ZIM2: variants seen among roughly 807,000 people sequenced by gnomAD.
ZIM2 encodes zinc finger protein 656.
A neutral mutation model predicts 38.6 loss-of-function variants in ZIM2; 14 were observed. That is an observed-to-expected ratio of 0.36 (90% CI 0.24 to 0.57). The LOEUF is 0.57. Among genes scored for constraint, ZIM2 ranks in the 20% least tolerant of loss-of-function variants. The pLI is 0.81. For synonymous variants in ZIM2, 247 were observed against 245.8 expected, an observed-to-expected ratio of 1.00 and a Z score of -0.04; for missense variants, 680 against 695.1, an observed-to-expected ratio of 0.98 and a Z score of 0.24.
rs573900748 is a variant in ZIM2, at chr19:56,783,520, C to T, written c.571-1399G>A. 7.2e-5 allele frequency among the ~76,000 whole-genome samples: 11 copies of T among 152,216 alleles called. No homozygotes were observed. In the South Asian group the frequency reaches 1.5e-3, roughly 20 times the overall value. On this transcript the variant is annotated intron_variant, in intron 10 of 12. Coordinates refer to ENST00000629319, the MANE Select transcript of ZIM2 (RefSeq NM_001387356.1). ...TCCTCTGCAGCAACCGGAATGCAACCGGAAACCTCAGATGCAACGGGAAAC... is the reference window on the plus strand; with the variant it reads ...TCCTCTGCAGCAACCGGAATGCAACTGGAAACCTCAGATGCAACGGGAAAC...
Position 56,824,457 on chromosome 19 carries a change from G to A in ZIM2, c.-150-30C>T, listed in dbSNP as rs894597115. On this transcript the variant is annotated intron_variant, in intron 3 of 12. Coordinates refer to ENST00000629319, the MANE Select transcript of ZIM2 (RefSeq NM_001387356.1). Reference sequence around the variant, plus strand: ...AACCAATCGAGGCAGAGGTTTCGGAGTTTGATCAGGGTCTTCCGAGGCCCA... The same window carrying A: ...AACCAATCGAGGCAGAGGTTTCGGAATTTGATCAGGGTCTTCCGAGGCCCA... 5 of 1,614,134 alleles carry A rather than the reference G, an allele frequency of 3.1e-6. No individual in the cohort carries two copies. In the South Asian group the frequency reaches 5.5e-5, roughly 18 times the overall value.
In ZIM2 at chr19:56,775,613, G is replaced by A; in HGVS notation, c.836-84C>T. 2.7e-6 allele frequency: 4 copies of A among 1,503,222 alleles called. No homozygotes were observed. In the South Asian group the frequency reaches 5.6e-5, roughly 21 times the overall value. The allele number at this position is 1,503,222 out of a possible 1,614,324, so 93.1% of individuals were successfully genotyped here. ...AATGATATTTCTATAGGCAGGCTTT[G>A]CCCTGGAGTTAGTGCTTTGGTTTCA... On this transcript the variant is annotated intron_variant, in intron 12 of 12. Coordinates refer to ENST00000629319, the MANE Select transcript of ZIM2 (RefSeq NM_001387356.1).
intron 12 of ZIM2, among the ~76,000 whole-genome samples, chr19:56,778,662 T>A (rs1285038401): frequency 6.6e-6 from 1 of 152,146 alleles, no homozygotes; most frequent in East Asian, 1.9e-4. Context: ...CTTCACTGGG[T>A]CCCTGAATAC....
Position 56,774,848 on chromosome 19 carries a change from A to C in ZIM2, c.1517T>G (p.Phe506Cys). ...ACQCCDCGRV[F>C]SRNSYLIQHY... Reference sequence around the variant, plus strand: ...CTGAATGAGATATGAATTCCGACTGAAGACTCTGCCACAGTCACAACACTG... The same window carrying C: ...CTGAATGAGATATGAATTCCGACTGCAGACTCTGCCACAGTCACAACACTG... Residue 506 changes from phenylalanine (F) to cysteine (C), a missense_variant, in exon 13 of 13, where the codon TTC becomes TGC. Phe to Cys is a radical substitution (Grantham distance 205). Coordinates refer to ENST00000629319, the MANE Select transcript of ZIM2 (RefSeq NM_001387356.1). The C allele has an allele frequency of 6.2e-7, 1 of 1,614,166 alleles. No homozygotes were observed. Among genetic ancestry groups the C allele is most frequent in the East Asian group, 2.2e-5 (1 of 44,876 alleles).
intron 9 of ZIM2, chr19:56,813,341 T>C (rs2146115023): frequency 9.4e-7 from 1 of 1,067,250 alleles, no homozygotes; most frequent in Non-Finnish European, 1.1e-6. Flanking sequence ...TGAAACACTA[T>C]ATATACGTTA....
At position 56,824,398 on chromosome 19, in the gene ZIM2, G is replaced by A. The variant is rs1309775643; in HGVS notation, c.-121C>T. On this transcript the variant is annotated 5_prime_UTR_variant, in exon 4 of 13. Coordinates refer to ENST00000629319, the MANE Select transcript of ZIM2 (RefSeq NM_001387356.1). The stretch of plus-strand genomic sequence containing the variant: ...GGTACTGCTCAAGGACCAAGAGCTC[G>A]ATGATCTCCTCCTTGGTGCGGGTCT... 5 of 1,614,164 alleles carry A rather than the reference G, an allele frequency of 3.1e-6. No individual in the cohort carries two copies. The South Asian group carries it at 3.3e-5, about 11-fold the overall frequency.
intron 10 of ZIM2, among the ~76,000 whole-genome samples, chr19:56,787,945 T>C (rs980043385): frequency 6.6e-6 from 1 of 152,006 alleles, no homozygotes; most frequent in African/African-American, 2.4e-5. Context: ...TCATTTTTTA[T>C]TGTGTCTTTT....
rs56776253 is a variant in ZIM2, at chr19:56,776,100, C to CAA, written c.836-573_836-572dup. On this transcript the variant is annotated intron_variant, in intron 12 of 12. Coordinates refer to ENST00000629319, the MANE Select transcript of ZIM2 (RefSeq NM_001387356.1). ...TGGATGACAGAGTGAGACTCTGTCT[C>CAA]AAAAAAAAAAAAAAAAAAAAAAGGA... Among the ~76,000 whole-genome samples, 925 of 106,528 alleles carry CAA rather than the reference C, an allele frequency of 8.7e-3. 21 individuals are homozygous for CAA. The highest frequency in any genetic ancestry group is 0.033 in the African/African-American group (806 of 24,244). 69.9% of individuals were successfully genotyped at this position (106,528 alleles called of 152,430 possible). A position where few individuals can be genotyped will look rare whatever the true frequency, so the allele number is the denominator to read the frequency against.
intron 9 of ZIM2, among the ~76,000 whole-genome samples, chr19:56,800,823 T>A (rs1156995878): frequency 6.6e-6 from 1 of 152,134 alleles, no homozygotes; most frequent in Non-Finnish European, 1.5e-5. Flanking sequence ...AGAAAATTTA[T>A]AAAAGGAATT....
At chr19:56,807,720 G>A (rs1238352157) in intron 9 of ZIM2, among the ~76,000 whole-genome samples, 1 of 152,122 alleles carries the variant, frequency 6.6e-6, no homozygotes, top group Non-Finnish European at 1.5e-5. Context: ...GAGCCCAGGA[G>A]GTTGAGGCTG....
chr19:56,827,009 A>C (rs1025388935), intron 2 of ZIM2, among the ~76,000 whole-genome samples: 3 of 152,208 alleles, frequency 2.0e-5, no homozygotes, highest in Admixed American at 6.5e-5. Context: ...TTTAAAGAAA[A>C]TACAAATAGC....
chr19:56,827,033 A>G (rs2061106046), intron 2 of ZIM2, among the ~76,000 whole-genome samples: 1 of 152,232 alleles, frequency 6.6e-6, no homozygotes, highest in South Asian at 2.1e-4. Flanking sequence ...ACCTGACTCA[A>G]GAAGCAGAGA....
intron 9 of ZIM2, among the ~76,000 whole-genome samples, chr19:56,805,912 T>A (rs939295687): frequency 6.6e-6 from 1 of 152,210 alleles, no homozygotes; most frequent in East Asian, 1.9e-4. Flanking sequence ...ATTGACAGAT[T>A]TGATAAAAGC....
At chr19:56,823,147 G>C (rs975214864) in intron 5 of ZIM2, among the ~76,000 whole-genome samples, 3 of 152,126 alleles carry the variant, frequency 2.0e-5, no homozygotes, top group Non-Finnish European at 4.4e-5. Flanking sequence ...TCCACATTCA[G>C]GAGAATGGAC....
At position 56,814,470 on chromosome 19, in the gene ZIM2, G is replaced by A; in HGVS notation, c.490+3276C>T. 6.2e-7 allele frequency: 1 copy of A among 1,613,656 alleles called. No individual in the cohort carries two copies. The highest frequency in any genetic ancestry group is 1.1e-5 in the South Asian group (1 of 91,068). On this transcript the variant is annotated intron_variant, in intron 9 of 12. Coordinates refer to ENST00000629319, the MANE Select transcript of ZIM2 (RefSeq NM_001387356.1). The surrounding 1 kb of genome is among the most constrained non-coding windows in gnomAD (Gnocchi z 5.8). ...CATAGAATGGTATAGCTCCTTTGAG[G>A]GGCTCAGTAAGAAATGAGGTGTGAG...
At chr19:56,805,018 G>T (rs80261687) in intron 9 of ZIM2, among the ~76,000 whole-genome samples, 2,368 of 152,314 alleles carry the variant, frequency 0.016, 55 homozygotes, top group Admixed American at 0.031. Flanking sequence ...GTAGACTGGA[G>T]GGTTGGGTCT....
At chr19:56,840,214 C>T (rs1049634615) in intron 1 of ZIM2, among the ~76,000 whole-genome samples, 2 of 152,212 alleles carry the variant, frequency 1.3e-5, no homozygotes, top group African/African-American at 4.8e-5. Context: ...GCAGAGCCCC[C>T]GGCTGTCTGC....
At chr19:56,830,369 G>GT (rs1192286683) in intron 2 of ZIM2, among the ~76,000 whole-genome samples, 1 of 152,212 alleles carries the variant, frequency 6.6e-6, no homozygotes, top group Non-Finnish European at 1.5e-5. Context: ...CCCACAAGCA[G>GT]TATTTCAAGT....
Position 56,822,669 on chromosome 19 carries a change from C to T in ZIM2, c.190+84G>A, listed in dbSNP as rs767557448. 175 of 1,544,862 alleles carry T rather than the reference C, an allele frequency of 1.1e-4. No individual in the cohort carries two copies. The Middle Eastern group carries it at 2.4e-3, about 21-fold the overall frequency. On this transcript the variant is annotated intron_variant, in intron 6 of 12. Coordinates refer to ENST00000629319, the MANE Select transcript of ZIM2 (RefSeq NM_001387356.1). ...ACTCCAAATGGAGCAGCAGAAACTT[C>T]GAGGCCCTGGCACTTTCCCCTTGAA... is the stretch of plus-strand genomic sequence containing the variant.
Sources: gnomAD v4.1 joint callset for allele counts (sites outside exome capture counted in the v4.1 genomes callset) on GRCh38, gnomAD v4.1.1 for gene constraint, Gnocchi (gnomAD v3.1) non-coding constraint, MANE v1.5 for transcripts, NCBI Gene and HGNC (gene_info 2026-07-23, HGNC 2026-07-21) for gene names.